CNTNAP2: variants seen among roughly 807,000 people sequenced by gnomAD.
CNTNAP2 encodes the protein contactin associated protein 2.
CNTNAP2 carries 98 observed loss-of-function variants against 155.2 expected under a neutral mutation model. The ratio of observed to expected loss-of-function variants is 0.63; its 90% CI spans 0.54 to 0.75. CNTNAP2 has a LOEUF of 0.75. Ranked by LOEUF, CNTNAP2 falls within the 30% of genes least tolerant of loss-of-function variation. The probability of loss-of-function intolerance (pLI) is 0.00; values close to 1 mark genes in which losing one functional copy is unlikely to be tolerated. For synonymous variants in CNTNAP2, 651 were observed against 631.2 expected, an observed-to-expected ratio of 1.03 and a Z score of -0.47; for missense variants, 1,727 against 1,688.1, an observed-to-expected ratio of 1.02 and a Z score of -0.40.
At chr7:146,805,991 A>T (rs1802960480) in intron 2 of CNTNAP2, among the ~76,000 whole-genome samples, 1 of 152,168 alleles carries the variant, frequency 6.6e-6, no homozygotes, top group South Asian at 2.1e-4. Flanking sequence ...CATTGTCGAC[A>T]CAAGATAGGT....
intron 9 of CNTNAP2, among the ~76,000 whole-genome samples, chr7:147,388,286 G>A (rs1317519171): frequency 6.6e-6 from 1 of 152,112 alleles, no homozygotes; most frequent in South Asian, 2.1e-4. Flanking sequence ...GTGGCAAAAT[G>A]TTCCAGATTC....
chr7:147,321,518 G>A (rs763604051), intron 9 of CNTNAP2, among the ~76,000 whole-genome samples: 1 of 152,044 alleles, frequency 6.6e-6, no homozygotes, highest in Admixed American at 6.6e-5. Flanking sequence ...TAAGAAGAAA[G>A]CACCTTCTAC....
chr7:147,726,444 CAA>C (rs1321373825), intron 13 of CNTNAP2, among the ~76,000 whole-genome samples: 2 of 151,906 alleles, frequency 1.3e-5, no homozygotes, highest in African/African-American at 4.8e-5. Flanking sequence ...CAGTACACCG[CAA>C]AGAGGGTGGA....
At position 146,932,819 on chromosome 7, in the gene CNTNAP2, T is replaced by A. The variant is rs368004730; in HGVS notation, c.402+92915T>A. Among the ~76,000 whole-genome samples the A allele has an allele frequency of 6.6e-5, 10 of 152,106 alleles. No homozygotes were observed. In the East Asian group the frequency reaches 1.4e-3, roughly 21 times the overall value. Reference sequence around the variant, plus strand: ...CAGACAAACAGAGAGCCAAATCATGTGTGAACTCCCATTCACAATTGCTTC... The same window carrying A: ...CAGACAAACAGAGAGCCAAATCATGAGTGAACTCCCATTCACAATTGCTTC... On this transcript the variant is annotated intron_variant, in intron 3 of 23. Transcript: ENST00000361727.
Position 147,952,849 on chromosome 7 carries a change from G to C in CNTNAP2, c.2256-25013G>C, listed in dbSNP as rs550096686. Among the ~76,000 whole-genome samples, 634 of 151,892 alleles carry C rather than the reference G, an allele frequency of 4.2e-3. 4 individuals carry two copies. The highest frequency in any genetic ancestry group is 0.014 in the Middle Eastern group (4 of 294). On this transcript the variant is annotated intron_variant, in intron 14 of 23. Transcript: ENST00000361727. Reference sequence around the variant, plus strand: ...ACTTATTTTTTTTAATGCTGCTCCTGGTTCCCCAAATTGAAATTACTATCT... The same window carrying C: ...ACTTATTTTTTTTAATGCTGCTCCTCGTTCCCCAAATTGAAATTACTATCT...
intron 8 of CNTNAP2, among the ~76,000 whole-genome samples, chr7:147,269,229 A>G (rs1050588334): frequency 1.3e-5 from 2 of 152,194 alleles, no homozygotes; most frequent in South Asian, 2.1e-4. Context: ...ATATTTCAAA[A>G]TGCACTTTTA....
intron 13 of CNTNAP2, among the ~76,000 whole-genome samples, chr7:147,858,508 T>C (rs559325066): frequency 1.3e-5 from 2 of 152,382 alleles, no homozygotes; most frequent in African/African-American, 4.8e-5. Context: ...TGTTGTTTAA[T>C]AAGTTCCTGG....
At chr7:146,737,973 A>G (rs946922518) in intron 1 of CNTNAP2, among the ~76,000 whole-genome samples, 6 of 152,108 alleles carry the variant, frequency 3.9e-5, no homozygotes, top group African/African-American at 1.4e-4. Context: ...TAATGCTGCA[A>G]TAAACATGGG....
chr7:147,054,949 T>C (rs985464489), intron 4 of CNTNAP2, among the ~76,000 whole-genome samples: 3 of 152,186 alleles, frequency 2.0e-5, no homozygotes, highest in South Asian at 2.1e-4. Flanking sequence ...ATGCTCAAAA[T>C]ACTGTCATAT....
At chr7:147,796,379 A>G (rs1797895568) in intron 13 of CNTNAP2, among the ~76,000 whole-genome samples, 1 of 152,166 alleles carries the variant, frequency 6.6e-6, no homozygotes, top group East Asian at 1.9e-4. Context: ...AATTGAAGGA[A>G]GCCTTAGCAC....
At chr7:147,056,230 T>C (rs549775064) in intron 4 of CNTNAP2, among the ~76,000 whole-genome samples, 20 of 152,322 alleles carry the variant, frequency 1.3e-4, no homozygotes, top group African/African-American at 4.6e-4. Context: ...ATTTCTTCCT[T>C]CTTAACCAAC....
intron 13 of CNTNAP2, among the ~76,000 whole-genome samples, chr7:147,778,350 T>C (rs561777184): frequency 1.6e-4 from 25 of 152,350 alleles, no homozygotes; most frequent in Admixed American, 1.4e-3. Context: ...TTTCTTGTCA[T>C]CATGCTATAG....
At chr7:146,399,404 T>C (rs6464758) in intron 1 of CNTNAP2, among the ~76,000 whole-genome samples, 62,363 of 152,044 alleles carry the variant, frequency 0.41, 14,537 homozygotes, top group African/African-American at 0.63. Context: ...TGACTCCATT[T>C]ATACATGAGA....
intron 13 of CNTNAP2, among the ~76,000 whole-genome samples, chr7:147,677,627 T>C (rs1437380623): frequency 6.6e-6 from 1 of 151,782 alleles, no homozygotes. Flanking sequence ...TTCTATGGTT[T>C]TTCAACGAGT....
chr7:147,813,152 T>G (rs1798208714), intron 13 of CNTNAP2, among the ~76,000 whole-genome samples: 1 of 149,822 alleles, frequency 6.7e-6, no homozygotes, highest in South Asian at 2.1e-4. Flanking sequence ...AGATGGGAGA[T>G]GGACTCATAG....
chr7:146,280,643 C>A (rs867998334), intron 1 of CNTNAP2, among the ~76,000 whole-genome samples: 10 of 152,228 alleles, frequency 6.6e-5, no homozygotes, highest in African/African-American at 2.2e-4. Flanking sequence ...TAAGTAGGGT[C>A]ATCGGCTGCC....
intron 1 of CNTNAP2, among the ~76,000 whole-genome samples, chr7:146,335,174 C>A (rs1801253522): frequency 6.6e-6 from 1 of 152,206 alleles, no homozygotes; most frequent in Non-Finnish European, 1.5e-5. Flanking sequence ...CTGTTCTGAA[C>A]TTCACATCAA....
intron 1 of CNTNAP2, among the ~76,000 whole-genome samples, chr7:146,512,445 G>A (rs931372500): frequency 6.7e-6 from 1 of 148,796 alleles, no homozygotes; most frequent in Non-Finnish European, 1.5e-5. Context: ...TTTCCCTTTA[G>A]TACTGCTTTT....
chr7:147,099,599 A>G (rs1036249707), intron 4 of CNTNAP2, among the ~76,000 whole-genome samples: 5 of 152,184 alleles, frequency 3.3e-5, no homozygotes, highest in Admixed American at 3.3e-4. Context: ...TTTGTAACTA[A>G]ACTGCTATCT....
Sources: gnomAD v4.1 joint callset for allele counts (sites outside exome capture counted in the v4.1 genomes callset) on GRCh38, gnomAD v4.1.1 for gene constraint, MANE v1.5 for transcripts, NCBI Gene and HGNC (gene_info 2026-07-23, HGNC 2026-07-21) for gene names.